The following DERA variants were observed in gnomAD, a reference collection of about 807,000 sequenced individuals.
DERA encodes the protein 2-deoxy-D-ribose 5-phosphate aldolase.
Under a neutral mutation model 41.1 loss-of-function variants are expected in DERA, and 15 were observed. The observed-to-expected ratio is 0.37, with a 90% CI of 0.24 to 0.56. The LOEUF (loss-of-function observed/expected upper bound fraction) is 0.56. Ranked by LOEUF, DERA falls within the 20% of genes least tolerant of loss-of-function variation. DERA has a pLI of 0.81. For synonymous variants in DERA, 139 were observed against 137.4 expected, an observed-to-expected ratio of 1.01 and a Z score of -0.08; for missense variants, 396 against 403.4, an observed-to-expected ratio of 0.98 and a Z score of 0.16.
chr12:16,032,675 C>A (rs1454603422), intron 7 of DERA, 21 bp downstream of exon 7: 2 of 1,386,886 alleles, frequency 1.4e-6, no homozygotes, highest in East Asian at 2.5e-5. Flanking sequence ...GCCAGCAAAT[C>A]TTTCTTCAGA....
rs1948179289 is a variant in DERA, at chr12:15,913,634, A to T, written c.31+2220A>T. Reference sequence around the variant, plus strand: ...ATTACTAGTCCAATCACTGTTATTTATGATTTGGTGTATGTACTTCTAGTT... The same window carrying T: ...ATTACTAGTCCAATCACTGTTATTTTTGATTTGGTGTATGTACTTCTAGTT... On this transcript the variant is annotated intron_variant, in intron 1 of 8. Coordinates refer to ENST00000428559, the MANE Select transcript of DERA (RefSeq NM_015954.4). The surrounding 1 kb of genome is among the most constrained non-coding windows in gnomAD (Gnocchi z 4.5). Among the ~76,000 whole-genome samples, 1 of 152,216 alleles carries T rather than the reference A, an allele frequency of 6.6e-6. No individual in the cohort carries two copies. Among genetic ancestry groups the T allele is most frequent in the Non-Finnish European group, 1.5e-5 (1 of 68,034 alleles).
At chr12:15,930,201 A>AC (rs1405803101) in intron 1 of DERA, among the ~76,000 whole-genome samples, 5 of 152,198 alleles carry the variant, frequency 3.3e-5, no homozygotes, top group Non-Finnish European at 7.4e-5. Flanking sequence ...ATAATTGTGA[A>AC]CAGGGGTATT....
At chr12:15,946,579 C>CT (rs879658602) in intron 1 of DERA, among the ~76,000 whole-genome samples, 75 of 146,888 alleles carry the variant, frequency 5.1e-4, no homozygotes, top group South Asian at 1.5e-3. Flanking sequence ...GTGATATCCC[C>CT]TTTTTTTTTT....
intron 5 of DERA, among the ~76,000 whole-genome samples, chr12:15,975,046 C>T (rs752885180): frequency 1.2e-4 from 18 of 152,108 alleles, no homozygotes; most frequent in Non-Finnish European, 2.2e-4. Context: ...GGAGTGTAAC[C>T]GCTCAGTGGG....
Position 15,966,319 on chromosome 12 carries a change from T to C in DERA, c.508+3372T>C, listed in dbSNP as rs1948622730. Among the ~76,000 whole-genome samples, 1 of 152,076 alleles carries C rather than the reference T, an allele frequency of 6.6e-6. No homozygotes were observed. Among genetic ancestry groups the C allele is most frequent in the Admixed American group, 6.5e-5 (1 of 15,268 alleles). On this transcript the variant is annotated intron_variant, in intron 5 of 8. Coordinates refer to ENST00000428559, the MANE Select transcript of DERA (RefSeq NM_015954.4). This position sits in a 1 kb window ranked among gnomAD's most constrained non-coding sequence, Gnocchi z 5.1. Reference sequence around the variant, plus strand: ...TCTCTACTAAATATACAAAGATTCGTTGGGCATGGTGGCACATGCCTGTAA... The same window carrying C: ...TCTCTACTAAATATACAAAGATTCGCTGGGCATGGTGGCACATGCCTGTAA...
rs7138140 is a variant in DERA, at chr12:15,921,130, G to C, written c.31+9716G>C. Among the ~76,000 whole-genome samples, 1 of 152,100 alleles carries C rather than the reference G, an allele frequency of 6.6e-6. No homozygotes were observed. Among genetic ancestry groups the C allele is most frequent in the African/African-American group, 2.4e-5 (1 of 41,406 alleles). ...TCTAAGCAAATATGGAAAGAAATAA[G>C]CCTTTTTATTTGATTGAGATAAGTG... On this transcript the variant is annotated intron_variant, in intron 1 of 8. Transcript: ENST00000428559. The surrounding 1 kb of genome is among the most constrained non-coding windows in gnomAD (Gnocchi z 5.3).
chr12:15,938,683 T>G lies in DERA; in HGVS notation c.32-18253T>G, dbSNP rs1470436320. On this transcript the variant is annotated intron_variant, in intron 1 of 8. Transcript: ENST00000428559. This position sits in a 1 kb window ranked among gnomAD's most constrained non-coding sequence, Gnocchi z 4.1. ...AATGGAGGATATTTTCAATTCACAT[T>G]TTTTAATTGAAATGTGTAAATATTT... Among the ~76,000 whole-genome samples the G allele has an allele frequency of 2.0e-5, 3 of 152,218 alleles. No homozygotes were observed. The highest frequency in any genetic ancestry group is 1.3e-4 in the Admixed American group (2 of 15,276).
rs1410668836 is a variant in DERA at position 15,938,438 on chromosome 12, T to C, written c.32-18498T>C. Among the ~76,000 whole-genome samples, 5 of 152,226 alleles carry C rather than the reference T, an allele frequency of 3.3e-5. No individual in the cohort carries two copies. In the East Asian group the frequency reaches 9.6e-4, roughly 29 times the overall value. On this transcript the variant is annotated intron_variant, in intron 1 of 8. Coordinates refer to ENST00000428559, the MANE Select transcript of DERA (RefSeq NM_015954.4). The surrounding 1 kb of genome is among the most constrained non-coding windows in gnomAD (Gnocchi z 4.1). ...TCAAAGCCAAAAAATGTATTTATAT[T>C]ATCTCAGCATTATAAAACAACACAA...
rs1490343286 is a variant in DERA at position 16,034,837 on chromosome 12, T to C, written c.751-1395T>C. On this transcript the variant is annotated intron_variant, in intron 7 of 8. Coordinates refer to ENST00000428559, the MANE Select transcript of DERA (RefSeq NM_015954.4). ...CACAAACTGAACTGTATAGGAAATC[T>C]GTAAGAAGCACTGCCTAATTGACAA... 2.0e-5 allele frequency among the ~76,000 whole-genome samples: 3 copies of C among 152,188 alleles called. No individual in the cohort carries two copies. In the East Asian group the frequency reaches 5.8e-4, roughly 29 times the overall value.
At position 15,918,188 on chromosome 12, in the gene DERA, T is replaced by C. The variant is rs1948214787; in HGVS notation, c.31+6774T>C. ...GAGCTGGGCCTCCCTCCTGTGAGTC[T>C]GCCTTCCTCATCCCGCTGGTGCTTG... On this transcript the variant is annotated intron_variant, in intron 1 of 8. Transcript: ENST00000428559. The surrounding 1 kb of genome is among the most constrained non-coding windows in gnomAD (Gnocchi z 4.3). Among the ~76,000 whole-genome samples the C allele has an allele frequency of 1.3e-5, 2 of 152,212 alleles. No homozygotes were observed. Among genetic ancestry groups the C allele is most frequent in the South Asian group, 4.1e-4 (2 of 4,832 alleles).
chr12:15,959,206 AT>A lies in DERA; in HGVS notation c.278-622del, dbSNP rs1948564930. Among the ~76,000 whole-genome samples, 2 of 152,342 alleles carry A rather than the reference AT, an allele frequency of 1.3e-5. No homozygotes were observed. The highest frequency in any genetic ancestry group is 4.8e-5 in the African/African-American group (2 of 41,580). ...TGTTTATTTCGTGTTGGCCATAAAA[AT>A]ATCACCTTATTTATTGCACTTAAAG... On this transcript the variant is annotated intron_variant, in intron 3 of 8. Transcript: ENST00000428559. The surrounding 1 kb of genome is among the most constrained non-coding windows in gnomAD (Gnocchi z 4.5).
intron 1 of DERA, among the ~76,000 whole-genome samples, chr12:15,950,233 T>C (rs1206548282): frequency 1.3e-5 from 2 of 152,238 alleles, no homozygotes; most frequent in Non-Finnish European, 2.9e-5. Flanking sequence ...CCTGAGGGCT[T>C]CTGGTTGCCT....
In DERA at chr12:15,981,069, C is replaced by G. The variant is rs1342239853; in HGVS notation, c.509-1239C>G. Among the ~76,000 whole-genome samples the G allele has an allele frequency of 6.6e-6, 1 of 152,144 alleles. No individual in the cohort carries two copies. The highest frequency in any genetic ancestry group is 2.4e-5 in the African/African-American group (1 of 41,426). On this transcript the variant is annotated intron_variant, in intron 5 of 8. Transcript: ENST00000428559. The surrounding 1 kb of genome is among the most constrained non-coding windows in gnomAD (Gnocchi z 6.1). ...TGTTTATAAAACTACTTCCTATGGG[C>G]CGGGCACCGTGGCTCACACCTGTAA...
Position 16,004,177 on chromosome 12 carries a change from A to G in DERA, c.637+21741A>G, listed in dbSNP as rs1948894328. ...CTAAACTGCTCAATTTAATAATTAG[A>G]GGTAGAAAATATAATTGGTTTATCT... On this transcript the variant is annotated intron_variant, in intron 6 of 8. Transcript: ENST00000428559. This position sits in a 1 kb window ranked among gnomAD's most constrained non-coding sequence, Gnocchi z 4.2. 6.6e-6 allele frequency among the ~76,000 whole-genome samples: 1 copy of G among 152,232 alleles called. No individual in the cohort carries two copies. Among genetic ancestry groups the G allele is most frequent in the South Asian group, 2.1e-4 (1 of 4,832 alleles).
At position 15,970,412 on chromosome 12, in the gene DERA, T is replaced by C. The variant is rs1948651903; in HGVS notation, c.508+7465T>C. 6.6e-6 allele frequency among the ~76,000 whole-genome samples: 1 copy of C among 152,240 alleles called. No homozygotes were observed. The highest frequency in any genetic ancestry group is 2.4e-5 in the African/African-American group (1 of 41,476). ...CATAATTTTATACATATAAGTTTTATTAACAGAGTTTTTGATGTCTAGAGC... is the reference window on the plus strand; with the variant it reads ...CATAATTTTATACATATAAGTTTTACTAACAGAGTTTTTGATGTCTAGAGC... On this transcript the variant is annotated intron_variant, in intron 5 of 8. Coordinates refer to ENST00000428559, the MANE Select transcript of DERA (RefSeq NM_015954.4). The surrounding 1 kb of genome is among the most constrained non-coding windows in gnomAD (Gnocchi z 4.3).
chr12:15,918,208 T>G lies in DERA; in HGVS notation c.31+6794T>G, dbSNP rs1383181038. 6.6e-6 allele frequency among the ~76,000 whole-genome samples: 1 copy of G among 152,176 alleles called. No individual in the cohort carries two copies. The highest frequency in any genetic ancestry group is 2.4e-5 in the African/African-American group (1 of 41,456). ...GAGTCTGCCTTCCTCATCCCGCTGGTGCTTGGTCCCCCACAGCAGGCTGCT... is the reference window on the plus strand; with the variant it reads ...GAGTCTGCCTTCCTCATCCCGCTGGGGCTTGGTCCCCCACAGCAGGCTGCT... On this transcript the variant is annotated intron_variant, in intron 1 of 8. Transcript: ENST00000428559. The surrounding 1 kb of genome is among the most constrained non-coding windows in gnomAD (Gnocchi z 4.3).
At position 16,001,320 on chromosome 12, in the gene DERA, CA is replaced by C. The variant is rs1948873574; in HGVS notation, c.637+18885del. Among the ~76,000 whole-genome samples the C allele has an allele frequency of 6.6e-6, 1 of 152,178 alleles. No homozygotes were observed. ...ACCATTCAGGCTCCCATGAGGTGAT[CA>C]GGTACTTCTTTATAATTGAATATAC... On this transcript the variant is annotated intron_variant, in intron 6 of 8. Transcript: ENST00000428559. The surrounding 1 kb of genome is among the most constrained non-coding windows in gnomAD (Gnocchi z 4.1).
At position 15,983,089 on chromosome 12, in the gene DERA, G is replaced by C. The variant is rs1271530582; in HGVS notation, c.637+653G>C. ...TCTTCCCTCCATTCTAAGTGCTGCT[G>C]TCTTAGGCCACCATCCTCCTCCACA... On this transcript the variant is annotated intron_variant, in intron 6 of 8. Coordinates refer to ENST00000428559, the MANE Select transcript of DERA (RefSeq NM_015954.4). The surrounding 1 kb of genome is among the most constrained non-coding windows in gnomAD (Gnocchi z 6.2). 1.3e-5 allele frequency among the ~76,000 whole-genome samples: 2 copies of C among 152,114 alleles called. No individual in the cohort carries two copies. Among genetic ancestry groups the C allele is most frequent in the African/African-American group, 4.8e-5 (2 of 41,420 alleles).
At position 15,966,373 on chromosome 12, in the gene DERA, C is replaced by G. The variant is rs552926120; in HGVS notation, c.508+3426C>G. Among the ~76,000 whole-genome samples, 1 of 151,420 alleles carries G rather than the reference C, an allele frequency of 6.6e-6. No homozygotes were observed. The highest frequency in any genetic ancestry group is 1.5e-5 in the Non-Finnish European group (1 of 67,940). ...CAGCTACTCTGGAGGCTGAGGTGAG[C>G]GAATTGCTTGAACCTGGGAGGCAGA... On this transcript the variant is annotated intron_variant, in intron 5 of 8. Transcript: ENST00000428559. The surrounding 1 kb of genome is among the most constrained non-coding windows in gnomAD (Gnocchi z 5.1).
Sources: allele counts gnomAD v4.1 joint callset (sites outside exome capture counted in the v4.1 genomes callset), GRCh38; gene constraint gnomAD v4.1.1; non-coding constraint Gnocchi (gnomAD v3.1); transcripts MANE v1.5; gene names NCBI Gene and HGNC (gene_info 2026-07-23, HGNC 2026-07-21).